KAT2A: variants seen among roughly 807,000 people sequenced by gnomAD.
KAT2A encodes the protein lysine acetyltransferase 2A, also known as histone acetyltransferase KAT2A.
A neutral mutation model predicts 95.2 loss-of-function variants in KAT2A; 42 were observed. The observed-to-expected ratio is 0.44, with a 90% CI of 0.34 to 0.57. The LOEUF (loss-of-function observed/expected upper bound fraction) is 0.57. KAT2A is among the 20% of genes least tolerant of loss of function. The pLI is 0.01. For missense variants in KAT2A, 784 were observed against 1,126.3 expected (o/e 0.70, Z 4.35); for synonymous variants, 449 against 448.2 (o/e 1.00, Z -0.02).
Position 42,115,837 on chromosome 17 carries a change from C to CG in KAT2A, c.1765-5dup. ...TCATCAGGTGGGTCCCATAACCCTG[C>CG]GGGGGAGGGAAGCAGGACTCACCAG... On this transcript the variant is annotated splice_region_variant and splice_polypyrimidine_tract_variant and intron_variant, in intron 11 of 17. Coordinates refer to ENST00000225916, the MANE Select transcript of KAT2A (RefSeq NM_021078.3). 6.4e-7 allele frequency: 1 copy of CG among 1,571,886 alleles called. No homozygotes were observed. The highest frequency in any genetic ancestry group is 8.8e-7 in the Non-Finnish European group (1 of 1,141,734).
In KAT2A at chr17:42,120,020, C is replaced by T. The variant is rs1295885552; in HGVS notation, c.699+10G>A. On this transcript the variant is annotated intron_variant, in intron 4 of 17. Coordinates refer to ENST00000225916, the MANE Select transcript of KAT2A (RefSeq NM_021078.3). The stretch of plus-strand genomic sequence containing the variant: ...TCTCCTATCCGCTATCTCCAATTCC[C>T]CTATCTCACCTGCTCAATATTAGGT... 1 of 1,609,114 alleles carries T rather than the reference C, an allele frequency of 6.2e-7. No homozygotes were observed. Among genetic ancestry groups the T allele is most frequent in the Non-Finnish European group, 8.5e-7 (1 of 1,175,848 alleles).
Position 42,117,256 on chromosome 17 carries a change from GAAGT to G in KAT2A, c.1638-99_1638-96del, listed in dbSNP as rs1555666160. ...AGCTGTAGTCAGGGTTGGGCAGTGA[GAAGT>G]AAGAATGCTCAAAGGATGAACCTCA... On this transcript the variant is annotated intron_variant, in intron 10 of 17. Transcript: ENST00000225916. This position sits in a 1 kb window ranked among gnomAD's most constrained non-coding sequence, Gnocchi z 8.9. The G allele has an allele frequency of 2.5e-6, 4 of 1,569,418 alleles. No homozygotes were observed. The highest frequency in any genetic ancestry group is 3.5e-6 in the Non-Finnish European group (4 of 1,149,376).
chr17:42,113,521 G>C lies in KAT2A; in HGVS notation c.*128C>G. 2 of 833,162 alleles carry C rather than the reference G, an allele frequency of 2.4e-6. No homozygotes were observed. Among genetic ancestry groups the C allele is most frequent in the Non-Finnish European group, 3.7e-6 (2 of 537,894 alleles). The allele number at this position is 833,162 out of a possible 1,614,324, so 51.6% of individuals were successfully genotyped here. On this transcript the variant is annotated 3_prime_UTR_variant, in exon 18 of 18. Transcript: ENST00000225916. ...GGTCCAGAAAGAGCTGCAGGATCGG[G>C]TCCGGAGGACCCTTGGCTGGAGTGT...
rs782543697 is a variant in KAT2A at position 42,114,362 on chromosome 17, TCTC to T, written c.2164_2166del (p.Glu722del). ...CCCGGCTCCTTTGACACTCACCCCT[TCTC>T]CTTCCCCAATGGCTTCCAGCCTGTC... On this transcript the variant is annotated inframe_deletion, in exon 15 of 18. Transcript: ENST00000225916. The surrounding 1 kb of genome is among the most constrained non-coding windows in gnomAD (Gnocchi z 6.0). The T allele has an allele frequency of 3.7e-6, 6 of 1,613,832 alleles. No homozygotes were observed. Among genetic ancestry groups the T allele is most frequent in the South Asian group, 1.1e-5 (1 of 91,088 alleles).
chr17:42,119,951 G>A lies in KAT2A; in HGVS notation c.699+79C>T. On this transcript the variant is annotated intron_variant, in intron 4 of 17. Transcript: ENST00000225916. The surrounding 1 kb of genome is among the most constrained non-coding windows in gnomAD (Gnocchi z 5.3). Reference sequence around the variant, plus strand: ...CTCCCCAGTGTTCTCAGCTTGAGGAGAATGGAGAACACAGGCTCCCCACTC... The same window carrying A: ...CTCCCCAGTGTTCTCAGCTTGAGGAAAATGGAGAACACAGGCTCCCCACTC... 7.7e-7 allele frequency: 1 copy of A among 1,291,640 alleles called. No homozygotes were observed. The highest frequency in any genetic ancestry group is 1.1e-6 in the Non-Finnish European group (1 of 890,012). 80.0% of individuals were successfully genotyped at this position (1,291,640 alleles called of 1,614,324 possible).
At position 42,119,455 on chromosome 17, in the gene KAT2A, G is replaced by A. The variant is rs782777340; in HGVS notation, c.882-19C>T. The A allele has an allele frequency of 6.3e-7, 1 of 1,598,804 alleles. No homozygotes were observed. Among genetic ancestry groups the A allele is most frequent in the Non-Finnish European group, 8.6e-7 (1 of 1,169,264 alleles). On this transcript the variant is annotated intron_variant, in intron 5 of 17. Transcript: ENST00000225916. This position sits in a 1 kb window ranked among gnomAD's most constrained non-coding sequence, Gnocchi z 5.3. ...GAGCCATCTGGAGTAGGGGGTCGAG[G>A]GGGAGACAGGTGAGGGCGGAAACCA...
rs2054323941 is a variant in KAT2A at position 42,120,694 on chromosome 17, T to C, written c.463+12A>G. The C allele has an allele frequency of 1.2e-6, 2 of 1,613,890 alleles. No homozygotes were observed. The highest frequency in any genetic ancestry group is 1.7e-6 in the Non-Finnish European group (2 of 1,180,008). ...CACCTGCCCCCAGCTCCAAGGGCGC[T>C]GCCTGCCTTACCCAAGGGGTGCTCA... On this transcript the variant is annotated intron_variant, in intron 2 of 17. Coordinates refer to ENST00000225916, the MANE Select transcript of KAT2A (RefSeq NM_021078.3).
rs781790217 is a variant in KAT2A, at chr17:42,120,946, A to G, written c.339+20T>C. The G allele has an allele frequency of 3.7e-4, 547 of 1,497,242 alleles. No individual in the cohort carries two copies. The highest frequency in any genetic ancestry group is 4.4e-4 in the Admixed American group (19 of 43,018). 92.7% of individuals were successfully genotyped at this position (1,497,242 alleles called of 1,614,324 possible). On this transcript the variant is annotated intron_variant, in intron 1 of 17. Coordinates refer to ENST00000225916, the MANE Select transcript of KAT2A (RefSeq NM_021078.3). The stretch of plus-strand genomic sequence containing the variant: ...GGGATGCCCCAAGCCCCGCCCCTTC[A>G]CCCCAGGCCCCGCCCCCACCTTGCA...
At chr17:42,120,174 C>A in intron 3 of KAT2A, 51 bp downstream of exon 3, 1 of 1,613,560 alleles carries the variant, frequency 6.2e-7, no homozygotes, top group South Asian at 1.1e-5. Context: ...TGCAGACAAC[C>A]CCTCAAGGCC....
chr17:42,116,973 G>A (rs1232471051), intron 11 of KAT2A, 62 bp downstream of exon 11: 9 of 1,597,676 alleles, frequency 5.6e-6, no homozygotes, highest in Admixed American at 1.7e-5. Context: ...CTGCTGCTCC[G>A]AACTGGCCCA....
rs370883295 is a variant in KAT2A at position 42,115,716 on chromosome 17, G to A, written c.1875+7C>T. On this transcript the variant is annotated splice_region_variant and intron_variant, in intron 12 of 17. Coordinates refer to ENST00000225916, the MANE Select transcript of KAT2A (RefSeq NM_021078.3). ...AAGGACCGGTGTGGGACGAGGCTAC[G>A]GGTCACCTGCTTTTTGAAGTAGCCG... 1.2e-5 allele frequency: 19 copies of A among 1,579,010 alleles called. No homozygotes were observed. The highest frequency in any genetic ancestry group is 3.3e-5 in the Admixed American group (2 of 59,960).
rs930520522 is a variant in KAT2A, at chr17:42,121,142, C to T, written c.163G>A (p.Ala55Thr). The T allele has an allele frequency of 1.5e-5, 23 of 1,486,432 alleles. No homozygotes were observed. Among genetic ancestry groups the T allele is most frequent in the Non-Finnish European group, 2.1e-5 (23 of 1,115,520 alleles). 92.1% of individuals were successfully genotyped at this position (1,486,432 alleles called of 1,614,324 possible). The change falls in exon 1 of 18, where the codon GCC becomes ACC. Residue 55 changes from alanine (A) to threonine (T), a missense_variant. Physicochemically the swap from Ala to Thr is moderately conservative, Grantham distance 58 (BLOSUM62 0). Transcript: ENST00000225916. ...GGCCCCCCAGTCCCTGTGCTGCCGGCTGGGGCTGCAGCTGGGGCAGGGGCT... is the reference window on the plus strand; with the variant it reads ...GGCCCCCCAGTCCCTGTGCTGCCGGTTGGGGCTGCAGCTGGGGCAGGGGCT... ...APAPAPAAAPAGSTGTGGPGV... is the reference protein window; with the variant it reads ...APAPAPAAAPTGSTGTGGPGV...
chr17:42,117,602 C>A lies in KAT2A; in HGVS notation c.1429-6G>T, dbSNP rs1210149389. On this transcript the variant is annotated splice_region_variant and splice_polypyrimidine_tract_variant and intron_variant, in intron 9 of 17. Coordinates refer to ENST00000225916, the MANE Select transcript of KAT2A (RefSeq NM_021078.3). The surrounding 1 kb of genome is among the most constrained non-coding windows in gnomAD (Gnocchi z 8.9). ...TTGGCCGAAAGCAGGCTCGTCTGGG[C>A]ACAGAAGAGGGGTGGTGAGCCGGGG... is the stretch of plus-strand genomic sequence containing the variant. The A allele has an allele frequency of 1.2e-6, 2 of 1,611,052 alleles. No homozygotes were observed. The highest frequency in any genetic ancestry group is 1.7e-6 in the Non-Finnish European group (2 of 1,178,642).
intron 7 of KAT2A, 84 bp from the exon 8 acceptor site, chr17:42,118,101 GGAGA>G (rs59670332): frequency 0.18 from 155,124 of 869,956 alleles, 22,071 homozygotes; most frequent in African/African-American, 0.65. Flanking sequence ...CTGAAGCTGA[GGAGA>G]GAGAGAGTCA....
At chr17:42,120,657 A>G (rs1555667103) in intron 2 of KAT2A, 49 bp downstream of exon 2, 1 of 1,610,902 alleles carries the variant, frequency 6.2e-7, no homozygotes, top group South Asian at 1.1e-5. Flanking sequence ...ACCCTGTCCA[A>G]GCAGGACCCA....
At chr17:42,120,650 C>A (rs2054322932) in intron 2 of KAT2A, 56 bp downstream of exon 2, 2 of 1,609,898 alleles carry the variant, frequency 1.2e-6, no homozygotes, top group Non-Finnish European at 1.7e-6. Flanking sequence ...ACTTGTCACC[C>A]TGTCCAAGCA....
intron 7 of KAT2A, 126 bp from the exon 8 acceptor site, chr17:42,118,143 G>C (rs2054288776): frequency 1.3e-6 from 1 of 780,608 alleles, no homozygotes; most frequent in South Asian, 1.7e-5. Context: ...GCTGAGGAGA[G>C]AGAGAGAGAA....
Position 42,118,313 on chromosome 17 carries a change from C to G in KAT2A, c.1164G>C (p.Gln388His). ...GGCACATACCTGGCCGGGGAACCAG[C>G]TGTGTCCCCTCTGAGGGTGGCATGG... ...GFTMPPSEGTQLVPRPASVSA... is the reference protein window; with the variant it reads ...GFTMPPSEGTHLVPRPASVSA... The change falls in exon 7 of 18, where the codon CAG (glutamine) becomes CAC (histidine). Residue 388 changes from glutamine (Q) to histidine (H), a missense_variant. Physicochemically the swap from Gln to His is conservative, Grantham distance 24 (BLOSUM62 0). Transcript: ENST00000225916. The G allele has an allele frequency of 6.2e-7, 1 of 1,612,554 alleles. No homozygotes were observed. Among genetic ancestry groups the G allele is most frequent in the Admixed American group, 1.7e-5 (1 of 60,020 alleles).
At position 42,117,433 on chromosome 17, in the gene KAT2A, AG is replaced by A; in HGVS notation, c.1591del (p.Leu531CysfsTer23). On this transcript the variant is annotated frameshift_variant, in exon 10 of 18. Transcript: ENST00000225916. LOFTEE classifies it high-confidence loss of function. The surrounding 1 kb of genome is among the most constrained non-coding windows in gnomAD (Gnocchi z 8.9). ...GATATACTCCTTAGGCATGCGCGGC[AG>A]CTGGTGGGAAAAGACATTCTGCAGC... is the stretch of plus-strand genomic sequence containing the variant. ...VGLQNVFSHQ[L>X]PRMPKEYIAR... The A allele has an allele frequency of 6.2e-7, 1 of 1,613,500 alleles. No individual in the cohort carries two copies. Among genetic ancestry groups the A allele is most frequent in the Non-Finnish European group, 8.5e-7 (1 of 1,179,960 alleles).
Sources: allele counts gnomAD v4.1 joint callset, GRCh38; gene constraint gnomAD v4.1.1; non-coding constraint Gnocchi (gnomAD v3.1); transcripts MANE v1.5; gene names NCBI Gene and HGNC (gene_info 2026-07-23, HGNC 2026-07-21).